ADK: variants seen among roughly 807,000 people sequenced by gnomAD.
ADK encodes adenosine kinase.
Under a neutral mutation model 44.7 loss-of-function variants are expected in ADK, and 24 were observed. The observed-to-expected ratio is 0.54, with a 90% CI of 0.39 to 0.76. ADK has a LOEUF of 0.76. Among genes scored for constraint, ADK ranks in the 30% least tolerant of loss-of-function variants. ADK has a pLI of 0.00. For missense variants in ADK, 321 were observed against 425.1 expected (o/e 0.76, Z 2.15); for synonymous variants, 128 against 142.6 (o/e 0.90, Z 0.73).
intron 3 of ADK, among the ~76,000 whole-genome samples, chr10:74,233,606 G>A (rs1844858877): frequency 6.6e-6 from 1 of 152,212 alleles, no homozygotes; most frequent in African/African-American, 2.4e-5. Flanking sequence ...ATTAGGGGAA[G>A]TGTACTCCTT....
chr10:74,634,336 T>C (rs1260863382), intron 9 of ADK, among the ~76,000 whole-genome samples: 1 of 152,026 alleles, frequency 6.6e-6, no homozygotes, highest in Non-Finnish European at 1.5e-5. Flanking sequence ...CGCCTCAGCC[T>C]CCCAAGTAGC....
chr10:74,520,183 G>A (rs761853120), intron 6 of ADK, among the ~76,000 whole-genome samples: 9 of 151,822 alleles, frequency 5.9e-5, no homozygotes, highest in African/African-American at 1.9e-4. Context: ...ATAGTTTTAC[G>A]CATATGTGTA....
chr10:74,243,486 A>G (rs1337887219), intron 3 of ADK, among the ~76,000 whole-genome samples: 1 of 152,216 alleles, frequency 6.6e-6, no homozygotes, highest in Non-Finnish European at 1.5e-5. Context: ...TGTCTGTTTT[A>G]GTTCATAAAA....
chr10:74,522,684 G>A (rs763595949), intron 6 of ADK, among the ~76,000 whole-genome samples: 2 of 151,750 alleles, frequency 1.3e-5, no homozygotes, highest in Non-Finnish European at 2.9e-5. Flanking sequence ...TATGGAAATC[G>A]TTGGTCCCTC....
intron 3 of ADK, among the ~76,000 whole-genome samples, chr10:74,286,289 C>T (rs1271914407): frequency 1.3e-5 from 2 of 152,168 alleles, no homozygotes; most frequent in Non-Finnish European, 2.9e-5. Flanking sequence ...TGGCCTAAAG[C>T]GATCCTTCAG....
At chr10:74,217,801 A>G (rs2132218566) in intron 2 of ADK, among the ~76,000 whole-genome samples, 1 of 152,332 alleles carries the variant, frequency 6.6e-6, no homozygotes, top group South Asian at 2.1e-4. Context: ...ACAGACCTGC[A>G]GCTGAGGGTC....
intron 4 of ADK, among the ~76,000 whole-genome samples, chr10:74,338,860 A>T (rs1841495260): frequency 6.6e-6 from 1 of 152,200 alleles, no homozygotes; most frequent in African/African-American, 2.4e-5. Context: ...TGTGCTGGTG[A>T]GTACATGAAT....
chr10:74,368,982 G>A (rs1842578695), intron 4 of ADK, among the ~76,000 whole-genome samples: 1 of 152,184 alleles, frequency 6.6e-6, no homozygotes, highest in Non-Finnish European at 1.5e-5. Flanking sequence ...CTACAGTACT[G>A]TATTTTTCTC....
intron 4 of ADK, among the ~76,000 whole-genome samples, chr10:74,346,094 G>T (rs943228986): frequency 2.0e-5 from 3 of 152,196 alleles, no homozygotes; most frequent in Non-Finnish European, 4.4e-5. Flanking sequence ...GTTTCGCCCT[G>T]TTGGGCAAGC....
chr10:74,700,832 A>G (rs74350304), intron 10 of ADK, among the ~76,000 whole-genome samples: 3,342 of 152,308 alleles, frequency 0.022, 56 homozygotes, highest in South Asian at 0.077. Flanking sequence ...AATGTTCTAC[A>G]TATTTTTTAA....
intron 3 of ADK, among the ~76,000 whole-genome samples, chr10:74,238,317 A>G (rs1347107350): frequency 6.6e-6 from 1 of 152,168 alleles, no homozygotes; most frequent in Non-Finnish European, 1.5e-5. Flanking sequence ...TTATAACTGA[A>G]CAAAAATTAG....
chr10:74,527,504 T>C, intron 7 of ADK: 1 of 609,012 alleles, frequency 1.6e-6, no homozygotes. Context: ...AAGGAGAGAA[T>C]GTGGAGGGAC....
intron 1 of ADK, 139 bp downstream of exon 1, chr10:74,151,482 C>T (rs1841585571): frequency 3.2e-6 from 3 of 924,122 alleles, no homozygotes; most frequent in Non-Finnish European, 3.4e-6. Context: ...CCCCCAGCTG[C>T]CCGCTTGGCC....
intron 7 of ADK, among the ~76,000 whole-genome samples, chr10:74,587,294 T>C (rs968939382): frequency 1.3e-5 from 2 of 152,246 alleles, no homozygotes; most frequent in Admixed American, 1.3e-4. Context: ...CTTGCACAAA[T>C]TGACCAGTTG....
chr10:74,515,967 G>A (rs763949532), intron 6 of ADK, among the ~76,000 whole-genome samples: 144 of 152,250 alleles, frequency 9.5e-4, no homozygotes, highest in Middle Eastern at 6.8e-3. Flanking sequence ...TTCTGGAGAG[G>A]TGCAGTGGCC....
intron 6 of ADK, among the ~76,000 whole-genome samples, chr10:74,474,429 GTCTTTTCTTTTCTTTCTT>G (rs576183168): frequency 6.3e-4 from 96 of 152,170 alleles, no homozygotes; most frequent in African/African-American, 2.0e-3. Flanking sequence ...AAATTCAGTA[GTCTTTTCTTTTCTTTCTT>G]TCTTTTCTTT....
intron 9 of ADK, 63 bp from the exon 10 acceptor site, chr10:74,670,120 G>A (rs917519499): frequency 1.2e-5 from 15 of 1,258,148 alleles, no homozygotes; most frequent in Non-Finnish European, 1.6e-5. Flanking sequence ...GATGTTACTG[G>A]GTGAGCTTGT....
rs778520889 is a variant in ADK at position 74,433,886 on chromosome 10, CT to C, written c.555+35310del. Reference sequence around the variant, plus strand: ...TGGATACATTAATTTGACCATGTGTCTTTAAATTGGAGGTGAGGAAGATTAG... The same window carrying C: ...TGGATACATTAATTTGACCATGTGTCTTAAATTGGAGGTGAGGAAGATTAG... On this transcript the variant is annotated intron_variant, in intron 6 of 10. Coordinates refer to ENST00000539909, the MANE Select transcript of ADK (RefSeq NM_006721.4). Among the ~76,000 whole-genome samples the C allele has an allele frequency of 5.3e-5, 8 of 151,976 alleles. No individual in the cohort carries two copies. The East Asian group carries it at 7.7e-4, about 15-fold the overall frequency.
At chr10:74,326,036 T>C (rs1053586142) in intron 4 of ADK, among the ~76,000 whole-genome samples, 5 of 152,140 alleles carry the variant, frequency 3.3e-5, no homozygotes, top group Non-Finnish European at 7.4e-5. Context: ...GGTTTCACCA[T>C]GTTGGCCAGG....
Sources: allele counts gnomAD v4.1 joint callset (sites outside exome capture counted in the v4.1 genomes callset), GRCh38; gene constraint gnomAD v4.1.1; transcripts MANE v1.5; gene names NCBI Gene and HGNC (gene_info 2026-07-23, HGNC 2026-07-21).